Variants in RBFOX2 observed in about 807,000 individuals in gnomAD.
The protein encoded by RBFOX2 is RNA binding fox-1 homolog 2.
RBFOX2 carries 10 observed loss-of-function variants against 49.1 expected under a neutral mutation model. That is an observed-to-expected ratio of 0.20 (90% CI 0.13 to 0.35). The LOEUF is 0.35. RBFOX2 is among the 10% of genes least tolerant of loss of function. RBFOX2 has a pLI of 1.00. For missense variants in RBFOX2, 323 were observed against 486.9 expected (o/e 0.66, Z 3.17); for synonymous variants, 183 against 187.4 (o/e 0.98, Z 0.19).
chr22:35,897,896 G>A (rs2048060256), intron 1 of RBFOX2: 1 of 727,472 alleles, frequency 1.4e-6, no homozygotes, highest in Admixed American at 1.8e-5. Context: ...TTCACATTCA[G>A]ATGTGCAACA....
At chr22:35,764,386 C>T (rs1326974381) in intron 6 of RBFOX2, among the ~76,000 whole-genome samples, 5 of 152,096 alleles carry the variant, frequency 3.3e-5, no homozygotes, top group East Asian at 1.9e-4. Context: ...AGGTTGAGAC[C>T]ATCCTGGCTA....
exon 1 of RBFOX2, chr22:35,840,352 T>C (rs927798960): frequency 2.1e-5 from 33 of 1,552,648 alleles, no homozygotes; most frequent in African/African-American, 2.8e-5. Context: ...TTATACCGTT[T>C]TCCTTCCTTT....
chr22:35,823,701 T>C (rs1005166237), intron 1 of RBFOX2, among the ~76,000 whole-genome samples: 2 of 152,242 alleles, frequency 1.3e-5, no homozygotes, highest in African/African-American at 4.8e-5. Flanking sequence ...AAAAAACTTT[T>C]AAGAACTCGA....
At chr22:35,938,302 C>A (rs746659425) in intron 1 of RBFOX2, among the ~76,000 whole-genome samples, 2 of 152,198 alleles carry the variant, frequency 1.3e-5, no homozygotes, top group Non-Finnish European at 2.9e-5. Flanking sequence ...TCGTAGGAAG[C>A]AATTCTGCTC....
At chr22:35,985,971 T>TC (rs1457495523) in intron 1 of RBFOX2, among the ~76,000 whole-genome samples, 1 of 151,868 alleles carries the variant, frequency 6.6e-6, no homozygotes, top group African/African-American at 2.4e-5. Flanking sequence ...TCCTCATAAT[T>TC]CCTCAGGCAG....
chr22:35,756,003 ATAAAT>A (rs1228195551), intron 9 of RBFOX2, 97 bp downstream of exon 11: 1 of 705,722 alleles, frequency 1.4e-6, no homozygotes, highest in Admixed American at 4.3e-5. Flanking sequence ...TAAAAATTAA[ATAAAT>A]TAAAAGGAAA....
intron 1 of RBFOX2, among the ~76,000 whole-genome samples, chr22:35,905,026 C>T (rs1000599865): frequency 6.6e-6 from 1 of 152,140 alleles, no homozygotes; most frequent in Non-Finnish European, 1.5e-5. Flanking sequence ...CAAAAAGGCC[C>T]TCTAGGTATC....
In RBFOX2 at chr22:35,864,635, G is replaced by A. The variant is rs182194458; in HGVS notation, c.-33-54631C>T. On this transcript the variant is annotated intron_variant, in intron 1 of 13. Transcript: ENST00000359369. ...TGATTGCTTGGAGAGGATGGTCACT[G>A]ACAATTATCCTTTGAGAAATGAAAG... Among the ~76,000 whole-genome samples the A allele has an allele frequency of 3.2e-3, 484 of 152,300 alleles. 2 individuals carry two copies. Among genetic ancestry groups the A allele is most frequent in the Non-Finnish European group, 4.9e-3 (333 of 68,034 alleles).
chr22:36,001,184 T>TAC lies in RBFOX2; in HGVS notation c.186+27054_186+27055dup, dbSNP rs57905429. Among the ~76,000 whole-genome samples the TAC allele has an allele frequency of 7.2e-3, 964 of 133,654 alleles. 8 individuals carry two copies. The highest frequency in any genetic ancestry group is 0.011 in the Middle Eastern group (3 of 280). The allele number at this position is 133,654 out of a possible 152,430, so 87.7% of individuals were successfully genotyped here. The stretch of plus-strand genomic sequence containing the variant: ...AATGTTTTTCTCTGGCCCCAAAACA[T>TAC]ACACACACACACACACACACACACA... On this transcript the variant is annotated intron_variant, in intron 1 of 13. Transcript: ENST00000438146.
intron 1 of RBFOX2, among the ~76,000 whole-genome samples, chr22:35,971,394 T>C (rs1444729462): frequency 6.6e-6 from 1 of 152,138 alleles, no homozygotes; most frequent in Non-Finnish European, 1.5e-5. Flanking sequence ...GTGGCTTGTT[T>C]TTCCAAGTCT....
intron 4 of RBFOX2, among the ~76,000 whole-genome samples, chr22:35,770,402 C>T (rs1250317795): frequency 1.3e-5 from 2 of 151,880 alleles, no homozygotes; most frequent in Admixed American, 1.3e-4. Flanking sequence ...TTGATATTAG[C>T]ATTATGACTA....
At chr22:35,808,209 T>A (rs1951124084) in intron 2 of RBFOX2, among the ~76,000 whole-genome samples, 1 of 152,232 alleles carries the variant, frequency 6.6e-6, no homozygotes, top group Admixed American at 6.5e-5. Flanking sequence ...AGTCAATACA[T>A]CAGCCTGTAC....
intron 2 of RBFOX2, among the ~76,000 whole-genome samples, chr22:35,801,819 G>A (rs779147358): frequency 5.9e-5 from 9 of 151,510 alleles, no homozygotes; most frequent in African/African-American, 1.7e-4. Flanking sequence ...AGTGAGACTC[G>A]GTCTCAAAAA....
At chr22:35,839,204 C>T (rs1185408838) in intron 1 of RBFOX2, among the ~76,000 whole-genome samples, 2 of 152,214 alleles carry the variant, frequency 1.3e-5, no homozygotes, top group South Asian at 2.1e-4. Context: ...AGAGCCTCAT[C>T]ATTTCCTCTT....
chr22:35,924,693 G>A (rs1427709369), intron 1 of RBFOX2, among the ~76,000 whole-genome samples: 2 of 152,208 alleles, frequency 1.3e-5, no homozygotes, highest in Non-Finnish European at 2.9e-5. Flanking sequence ...ATTTCAACAA[G>A]CTGAAGTTGA....
intron 1 of RBFOX2, among the ~76,000 whole-genome samples, chr22:35,848,423 A>T (rs896118445): frequency 2.0e-5 from 3 of 152,188 alleles, no homozygotes; most frequent in African/African-American, 7.2e-5. Flanking sequence ...TATAATATAG[A>T]CCTCTATTAG....
chr22:35,938,951 C>T, upstream of RBFOX2: 1 of 1,507,770 alleles, frequency 6.6e-7, no homozygotes. Flanking sequence ...AAATGTTAGG[C>T]ATAATCAAAA....
intron 1 of RBFOX2, among the ~76,000 whole-genome samples, chr22:36,006,341 T>C (rs2058618349): frequency 6.6e-6 from 1 of 152,188 alleles, no homozygotes; most frequent in Non-Finnish European, 1.5e-5. Flanking sequence ...AACCTGTGGT[T>C]CCAAATAGAG....
At chr22:35,841,258 C>T (rs1038153964), upstream of RBFOX2, among the ~76,000 whole-genome samples, 1 of 152,072 alleles carries the variant, frequency 6.6e-6, no homozygotes, top group East Asian at 1.9e-4. Context: ...TAAATCCTTT[C>T]TTATATATAC....
Sources: allele counts gnomAD v4.1 joint callset (sites outside exome capture counted in the v4.1 genomes callset), GRCh38; gene constraint gnomAD v4.1.1; transcripts MANE v1.5; gene names NCBI Gene and HGNC (gene_info 2026-07-23, HGNC 2026-07-21).